The following MACROD2 variants were observed in gnomAD, a reference collection of about 807,000 sequenced individuals.
MACROD2 encodes the protein mono-ADP ribosylhydrolase 2.
In MACROD2, 36 loss-of-function variants were observed where a neutral mutation model predicts 70.4. The ratio of observed to expected loss-of-function variants is 0.51; its 90% CI spans 0.39 to 0.68. The LOEUF is 0.68. Ranked by LOEUF, MACROD2 falls within the 30% of genes least tolerant of loss-of-function variation. MACROD2 has a pLI of 0.00. For missense variants in MACROD2, 496 were observed against 538.4 expected, an observed-to-expected ratio of 0.92 and a Z score of 0.78; for synonymous variants, 172 against 178.8, an observed-to-expected ratio of 0.96 and a Z score of 0.30.
At chr20:14,848,934 G>T (rs968572145) in intron 5 of MACROD2, among the ~76,000 whole-genome samples, 8 of 152,066 alleles carry the variant, frequency 5.3e-5, no homozygotes, top group African/African-American at 4.8e-5. Flanking sequence ...ACATCCTCCG[G>T]CAGACATCAC....
In MACROD2 at chr20:15,465,322, A is replaced by G. The variant is rs186284102; in HGVS notation, c.571+33887A>G. ...ACTTTAGAATAGTTTTTGACTTTTA[A>G]CATGAAAATGAAAACCAGCATTTAG... On this transcript the variant is annotated intron_variant, in intron 7 of 17. Transcript: ENST00000684519. Among the ~76,000 whole-genome samples, 402 of 152,360 alleles carry G rather than the reference A, an allele frequency of 2.6e-3. 1 individual carries two copies. The highest frequency in any genetic ancestry group is 9.2e-3 in the African/African-American group (384 of 41,590).
Position 14,396,145 on chromosome 20 carries a change from A to G in MACROD2, c.272-97334A>G, listed in dbSNP as rs142699427. Among the ~76,000 whole-genome samples, 472 of 152,356 alleles carry G rather than the reference A, an allele frequency of 3.1e-3. 1 individual carries two copies. Among genetic ancestry groups the G allele is most frequent in the Middle Eastern group, 6.8e-3 (2 of 294 alleles). The stretch of plus-strand genomic sequence containing the variant: ...TCTATTGAGACATGTTTTATGGTCC[A>G]TGGTGTTGTTTGTCTTGGTAAATGT... On this transcript the variant is annotated intron_variant, in intron 3 of 17. Transcript: ENST00000684519.
intron 3 of MACROD2, among the ~76,000 whole-genome samples, chr20:14,304,915 C>T (rs891349753): frequency 5.9e-5 from 9 of 152,008 alleles, no homozygotes; most frequent in African/African-American, 1.4e-4. Flanking sequence ...TGGGACTTTG[C>T]GCTTGTGATT....
At chr20:14,587,583 G>T (rs1374675494) in intron 4 of MACROD2, among the ~76,000 whole-genome samples, 1 of 151,512 alleles carries the variant, frequency 6.6e-6, no homozygotes, top group African/African-American at 2.4e-5. Context: ...TTATTTCTAG[G>T]TTATGCAGAG....
At chr20:14,597,089 G>T (rs541069171) in intron 4 of MACROD2, among the ~76,000 whole-genome samples, 129 of 152,056 alleles carry the variant, frequency 8.5e-4, no homozygotes, top group African/African-American at 2.9e-3. Flanking sequence ...AACTTTTATT[G>T]TAGATAAAAG....
At chr20:15,525,368 T>C (rs978637284) in intron 8 of MACROD2, among the ~76,000 whole-genome samples, 10 of 152,340 alleles carry the variant, frequency 6.6e-5, no homozygotes, top group African/African-American at 1.9e-4. Flanking sequence ...GCCACAACTG[T>C]TGGATAAAGT....
At chr20:15,020,385 T>A (rs1013935917) in intron 5 of MACROD2, among the ~76,000 whole-genome samples, 2 of 152,144 alleles carry the variant, frequency 1.3e-5, no homozygotes, top group African/African-American at 2.4e-5. Flanking sequence ...TCTGAAAAAA[T>A]TTATATGAGT....
intron 4 of MACROD2, among the ~76,000 whole-genome samples, chr20:14,502,051 T>C (rs766729478): frequency 6.6e-6 from 1 of 152,178 alleles, no homozygotes. Context: ...GATTTAAATA[T>C]CTCTCATCCC....
chr20:14,314,487 G>T (rs2082596008), intron 3 of MACROD2, among the ~76,000 whole-genome samples: 1 of 152,146 alleles, frequency 6.6e-6, no homozygotes, highest in Non-Finnish European at 1.5e-5. Context: ...TTGGCCGTGG[G>T]CGGTGGCTCA....
chr20:14,631,643 C>T (rs563048059), intron 4 of MACROD2, among the ~76,000 whole-genome samples: 3 of 152,020 alleles, frequency 2.0e-5, no homozygotes, highest in Non-Finnish European at 4.4e-5. Flanking sequence ...GGCATGGTGG[C>T]GGGCGCCTGT....
chr20:14,459,045 TA>T (rs2084336456), intron 3 of MACROD2, among the ~76,000 whole-genome samples: 1 of 152,056 alleles, frequency 6.6e-6, no homozygotes, highest in Non-Finnish European at 1.5e-5. Flanking sequence ...CCCTCCCCAA[TA>T]CTCACTTTAA....
chr20:14,279,183 G>C (rs1455754749), intron 3 of MACROD2, among the ~76,000 whole-genome samples: 2 of 152,192 alleles, frequency 1.3e-5, no homozygotes, highest in Admixed American at 6.5e-5. Context: ...TTTGGAGTTA[G>C]AGCAAATATA....
chr20:14,059,108 T>C (rs928434154), intron 2 of MACROD2, among the ~76,000 whole-genome samples: 1 of 152,230 alleles, frequency 6.6e-6, no homozygotes. Flanking sequence ...CTATATTTTT[T>C]GAATTAACAC....
intron 5 of MACROD2, among the ~76,000 whole-genome samples, chr20:14,719,646 T>A (rs1367584585): frequency 6.6e-6 from 1 of 152,100 alleles, no homozygotes; most frequent in East Asian, 1.9e-4. Flanking sequence ...CATCCTAAAA[T>A]GTGCCCCTCT....
At chr20:14,030,664 C>T (rs2053235156) in intron 2 of MACROD2, among the ~76,000 whole-genome samples, 1 of 152,102 alleles carries the variant, frequency 6.6e-6, no homozygotes, top group South Asian at 2.1e-4. Context: ...CCTGCCTTGG[C>T]CTCCCAAAGT....
At chr20:15,343,333 G>T (rs181036491) in intron 6 of MACROD2, among the ~76,000 whole-genome samples, 4 of 152,228 alleles carry the variant, frequency 2.6e-5, no homozygotes, top group Non-Finnish European at 1.5e-5. Context: ...TTTCAAAGAT[G>T]GTGTCACTCT....
At chr20:14,560,119 A>G (rs1979324724) in intron 4 of MACROD2, among the ~76,000 whole-genome samples, 1 of 151,916 alleles carries the variant, frequency 6.6e-6, no homozygotes, top group Admixed American at 6.6e-5. Flanking sequence ...AGAGGACAAA[A>G]GAGGGGACAA....
chr20:14,888,995 T>G (rs1007775714), intron 5 of MACROD2, among the ~76,000 whole-genome samples: 1 of 152,194 alleles, frequency 6.6e-6, no homozygotes, highest in African/African-American at 2.4e-5. Context: ...ATCACTTCCC[T>G]GCTTTCTGTG....
At chr20:15,028,929 AG>A (rs1485564661) in intron 5 of MACROD2, among the ~76,000 whole-genome samples, 1 of 152,188 alleles carries the variant, frequency 6.6e-6, no homozygotes, top group African/African-American at 2.4e-5. Flanking sequence ...GAATGGTGAG[AG>A]TCATTTCCTT....
Sources: allele counts gnomAD v4.1 joint callset (sites outside exome capture counted in the v4.1 genomes callset), GRCh38; gene constraint gnomAD v4.1.1; transcripts MANE v1.5; gene names NCBI Gene and HGNC (gene_info 2026-07-23, HGNC 2026-07-21).